Variants in CNTN5 observed in about 807,000 individuals in gnomAD.
The protein encoded by CNTN5 is contactin 5.
Under a neutral mutation model 129.1 loss-of-function variants are expected in CNTN5, and 77 were observed. The observed-to-expected ratio is 0.60, with a 90% CI of 0.50 to 0.72. The LOEUF (loss-of-function observed/expected upper bound fraction) is 0.72, where lower values mean the gene tolerates loss of function less well. Ranked by LOEUF, CNTN5 falls within the 30% of genes least tolerant of loss-of-function variation. The pLI is 0.00. For missense variants in CNTN5, 1,478 were observed against 1,328.8 expected, an observed-to-expected ratio of 1.11 and a Z score of -1.75; for synonymous variants, 509 against 465.6, an observed-to-expected ratio of 1.09 and a Z score of -1.20.
chr11:100,007,978 T>A (rs1008959590), intron 9 of CNTN5, among the ~76,000 whole-genome samples: 4 of 152,012 alleles, frequency 2.6e-5, no homozygotes, highest in Non-Finnish European at 5.9e-5. Context: ...AATTTTAATA[T>A]TATTGTGTCT....
intron 1 of CNTN5, among the ~76,000 whole-genome samples, chr11:99,304,340 AT>A (rs1864779029): frequency 1.3e-5 from 2 of 152,270 alleles, no homozygotes; most frequent in South Asian, 2.1e-4. Context: ...CATCAAAAAA[AT>A]ATATATTTCC....
intron 1 of CNTN5, among the ~76,000 whole-genome samples, chr11:99,213,353 T>C (rs962302332): frequency 2.1e-4 from 23 of 107,186 alleles, no homozygotes; most frequent in East Asian, 8.9e-4. Context: ...AAATATTATA[T>C]ATGTGTATAT....
chr11:99,355,763 G>C (rs139237469), intron 2 of CNTN5, among the ~76,000 whole-genome samples: 1 of 151,222 alleles, frequency 6.6e-6, no homozygotes, highest in East Asian at 1.9e-4. Context: ...CTATAATATC[G>C]GCCTTAACTA....
At chr11:99,814,927 C>A (rs1162690992) in intron 3 of CNTN5, among the ~76,000 whole-genome samples, 1 of 152,042 alleles carries the variant, frequency 6.6e-6, no homozygotes, top group African/African-American at 2.4e-5. Flanking sequence ...GAGGCAGGCA[C>A]CTTCTTCACA....
At chr11:99,287,379 T>C (rs1485557621) in intron 1 of CNTN5, among the ~76,000 whole-genome samples, 1 of 152,076 alleles carries the variant, frequency 6.6e-6, no homozygotes, top group Non-Finnish European at 1.5e-5. Context: ...TGTAGCTTTA[T>C]CTGGAAAAAA....
intron 1 of CNTN5, among the ~76,000 whole-genome samples, chr11:99,245,093 T>G (rs1861750312): frequency 6.6e-6 from 1 of 152,086 alleles, no homozygotes; most frequent in Non-Finnish European, 1.5e-5. Flanking sequence ...ATGCAAAAAA[T>G]TATTCATATC....
At chr11:99,076,531 G>A (rs182253193) in intron 1 of CNTN5, among the ~76,000 whole-genome samples, 29 of 151,910 alleles carry the variant, frequency 1.9e-4, no homozygotes, top group African/African-American at 6.8e-4. Context: ...GAAAATTTCA[G>A]GTAATGATCT....
chr11:100,343,862 C>T (rs1048950275), intron 23 of CNTN5, among the ~76,000 whole-genome samples: 2 of 151,994 alleles, frequency 1.3e-5, no homozygotes, highest in African/African-American at 4.8e-5. Context: ...TAATAGCGGG[C>T]CACCTCTTCT....
chr11:99,422,518 T>TTATATATATA (rs71046684), intron 2 of CNTN5, among the ~76,000 whole-genome samples: 7 of 83,394 alleles, frequency 8.4e-5, no homozygotes, highest in Non-Finnish European at 1.5e-4. Context: ...CTTTATATTT[T>TTATATATATA]TATATATATA....
chr11:99,735,905 T>A (rs1382736199), intron 3 of CNTN5, among the ~76,000 whole-genome samples: 1 of 152,156 alleles, frequency 6.6e-6, no homozygotes, highest in Non-Finnish European at 1.5e-5. Context: ...ACTGAAACTT[T>A]GTACACCTTG....
chr11:99,372,789 G>A (rs1399494527), intron 2 of CNTN5, among the ~76,000 whole-genome samples: 3 of 152,174 alleles, frequency 2.0e-5, no homozygotes, highest in African/African-American at 7.2e-5. Flanking sequence ...TTTATCTAAT[G>A]TTATAAAGCA....
chr11:99,382,844 A>ATTTTTT lies in CNTN5; in HGVS notation c.-71+57360_-71+57361insTTTTTT, dbSNP rs774797660. 9.5e-4 allele frequency among the ~76,000 whole-genome samples: 66 copies of ATTTTTT among 69,418 alleles called. 3 individuals are homozygous for ATTTTTT. Among genetic ancestry groups the ATTTTTT allele is most frequent in the South Asian group, 2.6e-3 (4 of 1,532 alleles). The allele number at this position is 69,418 out of a possible 152,430, so 45.5% of individuals were successfully genotyped here. A position where few individuals can be genotyped will look rare whatever the true frequency, so the allele number is the denominator to read the frequency against. On this transcript the variant is annotated intron_variant, in intron 2 of 24. Transcript: ENST00000524871. ...CACATCTCACTAGTGTCTCTAAATA[A>ATTTTTT]CTTTTTTTTTTTTTTTTTTTTTTTT...
At chr11:99,330,968 A>G (rs1331780137) in intron 2 of CNTN5, among the ~76,000 whole-genome samples, 1 of 151,978 alleles carries the variant, frequency 6.6e-6, no homozygotes, top group Non-Finnish European at 1.5e-5. Flanking sequence ...ACATTCAGAC[A>G]CACACACACA....
intron 1 of CNTN5, among the ~76,000 whole-genome samples, chr11:99,028,249 A>G (rs1863193600): frequency 6.6e-6 from 1 of 151,850 alleles, no homozygotes; most frequent in Non-Finnish European, 1.5e-5. Flanking sequence ...TGGTCTTGTT[A>G]GTAAGTGCCA....
chr11:99,794,845 C>A (rs1945876830), intron 3 of CNTN5, among the ~76,000 whole-genome samples: 1 of 107,074 alleles, frequency 9.3e-6, no homozygotes, highest in Admixed American at 9.7e-5. Context: ...CTTGCTAGCT[C>A]CACTTACCTT....
At chr11:99,508,064 C>T (rs1387378198) in intron 2 of CNTN5, among the ~76,000 whole-genome samples, 1 of 152,142 alleles carries the variant, frequency 6.6e-6, no homozygotes, top group African/African-American at 2.4e-5. Flanking sequence ...TCAAAATATA[C>T]TCTTGTCCAA....
intron 1 of CNTN5, among the ~76,000 whole-genome samples, chr11:99,319,853 A>T (rs7951712): frequency 0.05 from 7,636 of 152,254 alleles, 622 homozygotes; most frequent in African/African-American, 0.17. Context: ...TGCTCATTCA[A>T]ACAAGAGTGG....
intron 18 of CNTN5, among the ~76,000 whole-genome samples, chr11:100,284,145 G>A (rs766320633): frequency 2.6e-4 from 39 of 152,190 alleles, no homozygotes; most frequent in South Asian, 1.0e-3. Flanking sequence ...ATGGAGGAGC[G>A]GTGGTCTCAG....
intron 1 of CNTN5, among the ~76,000 whole-genome samples, chr11:99,126,779 TTCTC>T (rs1858656027): frequency 6.6e-6 from 1 of 152,236 alleles, no homozygotes; most frequent in African/African-American, 2.4e-5. Flanking sequence ...ATTCAAATTT[TTCTC>T]TCTAATAGAT....
Sources: allele counts gnomAD v4.1 joint callset (sites outside exome capture counted in the v4.1 genomes callset), GRCh38; gene constraint gnomAD v4.1.1; transcripts MANE v1.5; gene names NCBI Gene and HGNC (gene_info 2026-07-23, HGNC 2026-07-21).